ANO3: variants seen among roughly 807,000 people sequenced by gnomAD.
ANO3 encodes the protein anoctamin-3.
Under a neutral mutation model 144.8 loss-of-function variants are expected in ANO3, and 99 were observed. The ratio of observed to expected loss-of-function variants is 0.68; its 90% CI spans 0.58 to 0.81. ANO3 has a LOEUF of 0.81. Among genes scored for constraint, ANO3 ranks in the 30% least tolerant of loss-of-function variants. The pLI is 0.00. For synonymous variants in ANO3, 414 were observed against 392.6 expected, an observed-to-expected ratio of 1.05 and a Z score of -0.64; for missense variants, 905 against 1,202.2, an observed-to-expected ratio of 0.75 and a Z score of 3.66.
chr11:26,262,946 A>G (rs897039953), intron 1 of ANO3, among the ~76,000 whole-genome samples: 1 of 152,166 alleles, frequency 6.6e-6, no homozygotes, highest in African/African-American at 2.4e-5. Context: ...AGCCCTAAAT[A>G]CTGAGACATA....
intron 1 of ANO3, among the ~76,000 whole-genome samples, chr11:26,253,540 TC>T (rs1034946670): frequency 9.4e-5 from 14 of 149,346 alleles, no homozygotes; most frequent in African/African-American, 3.5e-4. Context: ...TGTACTTGTA[TC>T]CCCTGAACTT....
chr11:26,592,168 C>G (rs1449052661), intron 14 of ANO3, among the ~76,000 whole-genome samples: 1 of 152,152 alleles, frequency 6.6e-6, no homozygotes, highest in Non-Finnish European at 1.5e-5. Context: ...CATACAGCAT[C>G]TTGTATGGAC....
chr11:26,618,882 A>G (rs1409008751), intron 17 of ANO3, among the ~76,000 whole-genome samples: 1 of 151,946 alleles, frequency 6.6e-6, no homozygotes, highest in Non-Finnish European at 1.5e-5. Flanking sequence ...TCCATAAAGC[A>G]TTTTTTTCAA....
At chr11:26,359,658 T>C (rs1182933770) in intron 1 of ANO3, among the ~76,000 whole-genome samples, 1 of 152,170 alleles carries the variant, frequency 6.6e-6, no homozygotes, top group African/African-American at 2.4e-5. Flanking sequence ...GGGAGTCTGC[T>C]GAACCCCATT....
Position 26,541,968 on chromosome 11 carries a change from C to A in ANO3, c.1054C>A (p.Pro352Thr), listed in dbSNP as rs1171975135. 1 of 1,610,908 alleles carries A rather than the reference C, an allele frequency of 6.2e-7. No individual in the cohort carries two copies. The highest frequency in any genetic ancestry group is 1.3e-5 in the African/African-American group (1 of 74,720). ...GCAGGGAGCCTACAAAAGTAGCCAG[C>A]CCATTAAAACCCATGGACCTCAGAA... ...PHEGAYKSSQPIKTHGPQNNR... is the reference protein window; with the variant it reads ...PHEGAYKSSQTIKTHGPQNNR... Residue 352 changes from proline to threonine, a missense_variant, in exon 11 of 27, where the codon CCC (proline) becomes ACC (threonine). Physicochemically the swap from Pro to Thr is conservative, Grantham distance 38. This residue lies in a region of ANO3 where 597 missense variants were observed against 865.1 expected (regional missense o/e 0.69). Coordinates refer to ENST00000256737, the MANE Select transcript of ANO3 (RefSeq NM_031418.4).
intron 10 of ANO3, 95 bp downstream of exon 10, chr11:26,537,556 A>T (rs566542743): frequency 2.8e-6 from 3 of 1,061,774 alleles, no homozygotes; most frequent in Non-Finnish European, 4.4e-6. Context: ...GTCCACTCCC[A>T]GGAGGATTCA....
chr11:26,460,484 G>C (rs1043043026), intron 3 of ANO3, among the ~76,000 whole-genome samples: 7 of 150,618 alleles, frequency 4.6e-5, no homozygotes. Context: ...AGGAAGGAAG[G>C]GAGGGCAGTA....
chr11:26,312,262 G>A (rs1854517719), intron 1 of ANO3, among the ~76,000 whole-genome samples: 2 of 152,152 alleles, frequency 1.3e-5, no homozygotes, highest in South Asian at 4.1e-4. Context: ...CATTTGGGTT[G>A]GTTCCAAGTC....
intron 1 of ANO3, among the ~76,000 whole-genome samples, chr11:26,394,819 G>T (rs570078902): frequency 1.3e-5 from 2 of 151,772 alleles, no homozygotes; most frequent in African/African-American, 4.8e-5. Context: ...AAGGTGATCC[G>T]CCCACCTCAG....
intron 7 of ANO3, among the ~76,000 whole-genome samples, chr11:26,526,542 C>A (rs558234587): frequency 6.6e-6 from 1 of 152,108 alleles, no homozygotes; most frequent in South Asian, 2.1e-4. Context: ...AATAACAGAC[C>A]ATCTTAGGAA....
intron 17 of ANO3, among the ~76,000 whole-genome samples, chr11:26,603,439 A>G (rs1040089344): frequency 4.6e-5 from 7 of 150,906 alleles, no homozygotes; most frequent in African/African-American, 1.7e-4. Flanking sequence ...TATCAATAAT[A>G]TCATCCAAGA....
intron 4 of ANO3, among the ~76,000 whole-genome samples, chr11:26,494,456 G>T (rs1860844707): frequency 6.6e-6 from 1 of 152,114 alleles, no homozygotes; most frequent in Admixed American, 6.6e-5. Context: ...AGTAACGTGA[G>T]ATAGGAAGTA....
chr11:26,431,951 TC>T (rs1242892913), intron 1 of ANO3, among the ~76,000 whole-genome samples: 1 of 152,212 alleles, frequency 6.6e-6, no homozygotes, highest in East Asian at 1.9e-4. Context: ...GAATAGTAAT[TC>T]TTTTTTTTAG....
intron 1 of ANO3, among the ~76,000 whole-genome samples, chr11:26,334,975 T>C (rs969842332): frequency 2.0e-5 from 3 of 152,192 alleles, no homozygotes; most frequent in Admixed American, 6.5e-5. Flanking sequence ...TTCTCCTTTA[T>C]ATATGAGAAC....
At chr11:26,487,678 A>G (rs1860511074) in intron 4 of ANO3, among the ~76,000 whole-genome samples, 1 of 152,132 alleles carries the variant, frequency 6.6e-6, no homozygotes, top group Admixed American at 6.5e-5. Flanking sequence ...GTGGTCTCAG[A>G]TGGAGATGAG....
At position 26,344,953 on chromosome 11, in the gene ANO3, C is replaced by A; in HGVS notation, c.46+12632C>A. Among the ~76,000 whole-genome samples the A allele has an allele frequency of 6.0e-5, 5 of 83,486 alleles. No individual in the cohort carries two copies. The South Asian group carries it at 2.5e-3, about 42-fold the overall frequency. The allele number at this position is 83,486 out of a possible 152,430, so 54.8% of individuals were successfully genotyped here. On this transcript the variant is annotated intron_variant, in intron 1 of 26. Coordinates refer to ENST00000256737, the MANE Select transcript of ANO3 (RefSeq NM_031418.4). ...ATTAATTCATGTTTTATAAAACTTA[C>A]TTTTACATGCTCTAAAGAAACACTA...
intron 1 of ANO3, among the ~76,000 whole-genome samples, chr11:26,401,145 C>T (rs1857137057): frequency 6.6e-6 from 1 of 152,012 alleles, no homozygotes; most frequent in Non-Finnish European, 1.5e-5. Context: ...ACACAGTAGT[C>T]ACTGGAACTT....
intron 1 of ANO3, among the ~76,000 whole-genome samples, chr11:26,235,227 G>A (rs1852493753): frequency 6.6e-6 from 1 of 152,086 alleles, no homozygotes; most frequent in South Asian, 2.1e-4. Context: ...AGTATCCCAT[G>A]GCCCAGTCAA....
Position 26,553,193 on chromosome 11 carries a change from T to C in ANO3, c.1290-56T>C, listed in dbSNP as rs395770. 843,055 of 1,186,848 alleles carry C rather than the reference T, an allele frequency of 0.71. 311,802 individuals carry two copies. Among genetic ancestry groups the C allele is most frequent in the East Asian group, 0.86 (36,464 of 42,396 alleles). The allele number at this position is 1,186,848 out of a possible 1,614,324, so 73.5% of individuals were successfully genotyped here. A position where few individuals can be genotyped will look rare whatever the true frequency, so the allele number is the denominator to read the frequency against. On this transcript the variant is annotated intron_variant, in intron 12 of 26. Transcript: ENST00000256737. Reference sequence around the variant, plus strand: ...TTTGCTGTAGGGGCTAAGTGAATTCTTAGTCACAGTTTCATGCTATGTTTT... The same window carrying C: ...TTTGCTGTAGGGGCTAAGTGAATTCCTAGTCACAGTTTCATGCTATGTTTT...
Sources: allele counts gnomAD v4.1 joint callset (sites outside exome capture counted in the v4.1 genomes callset), GRCh38; gene constraint gnomAD v4.1.1; regional missense constraint gnomAD v4.1.1; transcripts MANE v1.5; gene names NCBI Gene and HGNC (gene_info 2026-07-23, HGNC 2026-07-21).